Variants in ZNF469 observed in about 807,000 individuals in gnomAD.
The protein encoded by ZNF469 is zinc finger protein 469.
In ZNF469, 1 loss-of-function variant was observed where a neutral mutation model predicts 1.0. The ratio of observed to expected loss-of-function variants is 1.00; its 90% confidence interval spans 0.35 to 4.73. The LOEUF is 4.73. ZNF469 is among the 30% of genes most tolerant of loss of function. ZNF469 has a pLI of 0.16. For missense variants in ZNF469, 6,100 were observed against 5,356.3 expected (o/e 1.14, Z -4.33); for synonymous variants, 2,703 against 2,363.4 (o/e 1.14, Z -4.17).
chr16:88,373,397 G>C, the ZNF469 span, among the ~76,000 whole-genome samples: 1 of 152,300 alleles, frequency 6.6e-6, no homozygotes. Flanking sequence ...AGGATGGGGT[G>C]TTGAGCTGTC....
intron 1 of ZNF469, among the ~76,000 whole-genome samples, chr16:88,401,272 C>T (rs918592791): frequency 2.0e-5 from 3 of 152,254 alleles, no homozygotes; most frequent in African/African-American, 7.2e-5. Flanking sequence ...TCCAGCCTAA[C>T]AATGTCAGGG....
chr16:88,252,812 CAT>C, the ZNF469 span, among the ~76,000 whole-genome samples: 3 of 152,208 alleles, frequency 2.0e-5, no homozygotes, highest in East Asian at 5.8e-4. Flanking sequence ...CATATGAAGA[CAT>C]AGAACGTTTT....
At chr16:88,403,000 C>A (rs1904926677) in intron 1 of ZNF469, among the ~76,000 whole-genome samples, 1 of 152,238 alleles carries the variant, frequency 6.6e-6, no homozygotes, top group Admixed American at 6.5e-5. Context: ...AATGGCAACA[C>A]CCGCCGTGCA....
the ZNF469 span, among the ~76,000 whole-genome samples, chr16:88,374,121 C>T: frequency 2.6e-5 from 4 of 152,240 alleles, no homozygotes; most frequent in East Asian, 1.9e-4. Flanking sequence ...ATGCACATAG[C>T]CCTGCATGGG....
chr16:88,111,628 T>C, the ZNF469 span, among the ~76,000 whole-genome samples: 1 of 152,052 alleles, frequency 6.6e-6, no homozygotes, highest in Non-Finnish European at 1.5e-5. Context: ...GAAGACGTGT[T>C]TTTGTTTGTT....
chr16:88,157,539 C>G, the ZNF469 span, among the ~76,000 whole-genome samples: 1 of 152,178 alleles, frequency 6.6e-6, no homozygotes, highest in African/African-American at 2.4e-5. Context: ...CAGCACCCAT[C>G]TCTCCTCCAC....
chr16:88,362,477 A>T, the ZNF469 span, among the ~76,000 whole-genome samples: 1 of 152,238 alleles, frequency 6.6e-6, no homozygotes, highest in Non-Finnish European at 1.5e-5. Context: ...TTATCCAAAA[A>T]TATCATTTCA....
At chr16:88,265,821 T>C in the ZNF469 span, among the ~76,000 whole-genome samples, 10,605 of 148,752 alleles carry the variant, frequency 0.071, 1,219 homozygotes, top group African/African-American at 0.25. Flanking sequence ...GGATCCCCGC[T>C]GGCTTCTCCA....
chr16:88,243,970 A>G, the ZNF469 span, among the ~76,000 whole-genome samples: 2 of 109,478 alleles, frequency 1.8e-5, no homozygotes, highest in African/African-American at 3.3e-5. Context: ...GTGTGGATGG[A>G]TGGATGGATG....
At chr16:88,353,163 G>A in the ZNF469 span, among the ~76,000 whole-genome samples, 5 of 152,104 alleles carry the variant, frequency 3.3e-5, no homozygotes, top group African/African-American at 1.2e-4. Context: ...CAGTCCTGCG[G>A]ACAGTGCACC....
At chr16:88,382,936 A>T (rs1320915912), upstream of ZNF469, among the ~76,000 whole-genome samples, 1 of 146,154 alleles carries the variant, frequency 6.8e-6, no homozygotes, top group African/African-American at 2.5e-5. Flanking sequence ...CTGTAACCTA[A>T]GCCGCCCCAG....
chr16:88,259,542 G>A, the ZNF469 span, among the ~76,000 whole-genome samples: 1 of 152,286 alleles, frequency 6.6e-6, no homozygotes, highest in East Asian at 1.9e-4. This position sits in a 1 kb window ranked among gnomAD's most constrained non-coding sequence, Gnocchi z 4.1. Context: ...ACTCTCCAGG[G>A]CCACGGCAGC....
chr16:88,217,976 C>G, the ZNF469 span, among the ~76,000 whole-genome samples: 1 of 70,892 alleles, frequency 1.4e-5, no homozygotes, highest in Admixed American at 1.8e-4. Context: ...ATGGCTGGGT[C>G]AAATGGTATT....
chr16:88,358,311 G>T, the ZNF469 span, among the ~76,000 whole-genome samples: 2 of 152,210 alleles, frequency 1.3e-5, no homozygotes, highest in Admixed American at 1.3e-4. Context: ...GGGGGAGGGG[G>T]GCTGGTCTTC....
chr16:88,436,187 C>A lies in ZNF469; in HGVS notation c.8717C>A (p.Ala2906Asp). ...GGCGGTGACCCCACGCTGGGCCCAGCCCGCCTGCCCACGGACCTCAGCGAC... is the reference window on the plus strand; with the variant it reads ...GGCGGTGACCCCACGCTGGGCCCAGACCGCCTGCCCACGGACCTCAGCGAC... ...EEGGDPTLGP[A>D]RLPTDLSDSS... Residue 2906 changes from alanine (A) to aspartate (D), a missense_variant, in exon 3 of 3, where the codon GCC becomes GAC. Physicochemically the swap from Ala to Asp is moderately radical, Grantham distance 126. Coordinates refer to ENST00000565624, the MANE Select transcript of ZNF469 (RefSeq NM_001367624.2). The A allele has an allele frequency of 6.5e-7, 1 of 1,547,666 alleles. No homozygotes were observed. The highest frequency in any genetic ancestry group is 8.7e-7 in the Non-Finnish European group (1 of 1,146,894).
chr16:88,199,121 G>A, the ZNF469 span, among the ~76,000 whole-genome samples: 3 of 152,274 alleles, frequency 2.0e-5, no homozygotes, highest in South Asian at 2.1e-4. Flanking sequence ...ATGTCAGACC[G>A]CAGCTGAGGG....
the ZNF469 span, among the ~76,000 whole-genome samples, chr16:88,360,763 A>AGCGCCC: frequency 4.9e-4 from 43 of 87,618 alleles, no homozygotes; most frequent in African/African-American, 1.9e-3. Flanking sequence ...ACCCCCAGAC[A>AGCGCCC]GCATGCTCCC....
chr16:88,208,367 G>C, the ZNF469 span, among the ~76,000 whole-genome samples: 6 of 150,212 alleles, frequency 4.0e-5, no homozygotes, highest in South Asian at 1.3e-3. Context: ...ATGGCAAAAG[G>C]TATCCAGAAA....
chr16:88,270,330 C>G, the ZNF469 span, among the ~76,000 whole-genome samples: 2 of 152,200 alleles, frequency 1.3e-5, no homozygotes, highest in Non-Finnish European at 2.9e-5. Flanking sequence ...GTTGGCTGCT[C>G]ACAAACCAGC....
Sources: allele counts gnomAD v4.1 joint callset (sites outside exome capture counted in the v4.1 genomes callset), GRCh38; gene constraint gnomAD v4.1.1; non-coding constraint Gnocchi (gnomAD v3.1); transcripts MANE v1.5; gene names NCBI Gene and HGNC (gene_info 2026-07-23, HGNC 2026-07-21).